Variants in RALGPS1 observed in about 807,000 individuals in gnomAD.
RALGPS1 encodes ras-specific guanine nucleotide-releasing factor RalGPS1.
A neutral mutation model predicts 78.8 loss-of-function variants in RALGPS1; 19 were observed. The ratio of observed to expected loss-of-function variants is 0.24; its 90% confidence interval spans 0.17 to 0.35. RALGPS1 has a LOEUF of 0.35. Ranked by LOEUF, RALGPS1 falls within the 10% of genes least tolerant of loss-of-function variation. The probability of loss-of-function intolerance (pLI) is 1.00; values close to 1 mark genes in which losing one functional copy is unlikely to be tolerated. For synonymous variants in RALGPS1, 228 were observed against 256.3 expected, an observed-to-expected ratio of 0.89 and a Z score of 1.06; for missense variants, 454 against 688.3, an observed-to-expected ratio of 0.66 and a Z score of 3.81.
intron 1 of RALGPS1, among the ~76,000 whole-genome samples, chr9:126,925,253 G>T (rs2935991): frequency 6.6e-6 from 1 of 151,814 alleles, no homozygotes; most frequent in African/African-American, 2.4e-5. Context: ...TACATATAAA[G>T]GTAATTACAG....
chr9:127,007,918 C>G (rs897406693), intron 4 of RALGPS1, among the ~76,000 whole-genome samples: 1 of 152,144 alleles, frequency 6.6e-6, no homozygotes, highest in Non-Finnish European at 1.5e-5. Flanking sequence ...GAGAAGAGAC[C>G]TGCGAGGGAG....
At chr9:127,207,457 T>C (rs942425264) in intron 14 of RALGPS1, among the ~76,000 whole-genome samples, 4 of 152,100 alleles carry the variant, frequency 2.6e-5, no homozygotes, top group Non-Finnish European at 4.4e-5. Flanking sequence ...CTGGGAAAGG[T>C]GTCTGTGGTT....
intron 8 of RALGPS1, among the ~76,000 whole-genome samples, chr9:127,086,350 G>T (rs2051740850): frequency 6.6e-6 from 1 of 152,194 alleles, no homozygotes; most frequent in Non-Finnish European, 1.5e-5. Flanking sequence ...TCCATCCATA[G>T]TGCACACATC....
rs1449747284 is a variant in RALGPS1 at position 127,211,254 on chromosome 9, G to T, written c.1248-877G>T. On this transcript the variant is annotated intron_variant, in intron 14 of 18. Coordinates refer to ENST00000259351, the MANE Select transcript of RALGPS1 (RefSeq NM_014636.3). This position sits in a 1 kb window ranked among gnomAD's most constrained non-coding sequence, Gnocchi z 5.0. ...AAAAGCGACAGGAAGCCATGAAAGG[G>T]GCTTGCTGTGGGCAGGTGGAGGAGA... Among the ~76,000 whole-genome samples the T allele has an allele frequency of 6.6e-6, 1 of 152,182 alleles. No individual in the cohort carries two copies. The highest frequency in any genetic ancestry group is 2.4e-5 in the African/African-American group (1 of 41,436).
rs190560781 is a variant in RALGPS1 at position 127,121,248 on chromosome 9, T to A, written c.611-44821T>A. Among the ~76,000 whole-genome samples the A allele has an allele frequency of 3.9e-5, 6 of 152,328 alleles. No homozygotes were observed. In the East Asian group the frequency reaches 7.7e-4, roughly 20 times the overall value. On this transcript the variant is annotated intron_variant, in intron 8 of 18. Transcript: ENST00000259351. ...CATTGTTACCACCTGGGCAGTATTA[T>A]CCCATTTCACAGATAAGAAAACTGA...
chr9:127,050,183 C>T (rs778021916), intron 6 of RALGPS1, 51 bp downstream of exon 6: 4 of 1,383,916 alleles, frequency 2.9e-6, no homozygotes, highest in Admixed American at 3.4e-5. Flanking sequence ...TCTCCCACAC[C>T]TCCTCCCCAA....
intron 4 of RALGPS1, among the ~76,000 whole-genome samples, chr9:127,028,767 C>T (rs923993152): frequency 2.0e-5 from 3 of 152,168 alleles, no homozygotes; most frequent in Non-Finnish European, 4.4e-5. Flanking sequence ...CCTATAACTA[C>T]CTTACAGAGG....
intron 7 of RALGPS1, among the ~76,000 whole-genome samples, chr9:127,057,795 C>T (rs2048867080): frequency 6.6e-6 from 1 of 152,204 alleles, no homozygotes; most frequent in Non-Finnish European, 1.5e-5. Context: ...AGGCCCCTGT[C>T]CTCATGGGCT....
At chr9:127,108,503 C>G (rs1376498650) in intron 8 of RALGPS1, 2 of 1,612,916 alleles carry the variant, frequency 1.2e-6, no homozygotes, top group Admixed American at 1.7e-5. Flanking sequence ...AGAAGCACCT[C>G]AGGCTCCTTG....
At chr9:126,963,990 A>G (rs538885232) in intron 2 of RALGPS1, among the ~76,000 whole-genome samples, 14 of 152,344 alleles carry the variant, frequency 9.2e-5, no homozygotes, top group Non-Finnish European at 1.8e-4. Flanking sequence ...AGAAATCTTT[A>G]TAACTTTTCA....
At chr9:126,965,589 T>C (rs2039403169) in intron 2 of RALGPS1, among the ~76,000 whole-genome samples, 1 of 152,232 alleles carries the variant, frequency 6.6e-6, no homozygotes, top group Non-Finnish European at 1.5e-5. Context: ...AGAAGTAACA[T>C]TGCCTCTACT....
chr9:126,931,330 A>G (rs1462182151), intron 1 of RALGPS1, among the ~76,000 whole-genome samples: 2 of 152,232 alleles, frequency 1.3e-5, no homozygotes, highest in African/African-American at 2.4e-5. Context: ...GCAGCCTCAT[A>G]GCAACATTAT....
chr9:127,075,925 G>A (rs1389640831), intron 8 of RALGPS1, among the ~76,000 whole-genome samples: 1 of 152,156 alleles, frequency 6.6e-6, no homozygotes. Flanking sequence ...TAACCACATG[G>A]GTGTGATTCT....
chr9:127,091,160 A>G lies in RALGPS1; in HGVS notation c.610+21804A>G, dbSNP rs1293295645. Reference sequence around the variant, plus strand: ...AAAGCACTTTAGGTACATTCTCTCTACCCTTCTCCCTACTCTGCAATGTAG... The same window carrying G: ...AAAGCACTTTAGGTACATTCTCTCTGCCCTTCTCCCTACTCTGCAATGTAG... On this transcript the variant is annotated intron_variant, in intron 8 of 18. Coordinates refer to ENST00000259351, the MANE Select transcript of RALGPS1 (RefSeq NM_014636.3). This position sits in a 1 kb window ranked among gnomAD's most constrained non-coding sequence, Gnocchi z 4.3. 1.3e-5 allele frequency among the ~76,000 whole-genome samples: 2 copies of G among 152,080 alleles called. No individual in the cohort carries two copies. The highest frequency in any genetic ancestry group is 1.9e-4 in the East Asian group (1 of 5,178).
At chr9:127,147,714 TC>T (rs951251309) in intron 8 of RALGPS1, among the ~76,000 whole-genome samples, 11 of 152,228 alleles carry the variant, frequency 7.2e-5, no homozygotes, top group African/African-American at 2.7e-4. Flanking sequence ...TTCTGAGTTT[TC>T]TATTCCCTCG....
intron 6 of RALGPS1, among the ~76,000 whole-genome samples, chr9:127,050,907 G>A (rs1370139279): frequency 6.6e-6 from 1 of 152,198 alleles, no homozygotes; most frequent in Non-Finnish European, 1.5e-5. Context: ...CAGGCACCAT[G>A]CTGTGGTCAC....
chr9:126,949,144 A>G (rs1361598752), intron 1 of RALGPS1, among the ~76,000 whole-genome samples: 5 of 152,198 alleles, frequency 3.3e-5, no homozygotes, highest in Admixed American at 3.3e-4. Flanking sequence ...ACATGAACTC[A>G]TCATTTTTTA....
chr9:126,965,592 C>T (rs1388602691), intron 2 of RALGPS1, among the ~76,000 whole-genome samples: 1 of 152,174 alleles, frequency 6.6e-6, no homozygotes, highest in East Asian at 1.9e-4. Flanking sequence ...AGTAACATTG[C>T]CTCTACTTCC....
chr9:127,119,395 G>A (rs757748913), intron 8 of RALGPS1, among the ~76,000 whole-genome samples: 3 of 152,208 alleles, frequency 2.0e-5, no homozygotes, highest in Non-Finnish European at 4.4e-5. Context: ...CAGGGACCCA[G>A]TGACAGTCAG....
Sources: allele counts gnomAD v4.1 joint callset (sites outside exome capture counted in the v4.1 genomes callset), GRCh38; gene constraint gnomAD v4.1.1; non-coding constraint Gnocchi (gnomAD v3.1); transcripts MANE v1.5; gene names NCBI Gene and HGNC (gene_info 2026-07-23, HGNC 2026-07-21).